CCDC178: variants seen among roughly 807,000 people sequenced by gnomAD.
CCDC178 encodes coiled-coil domain containing 178.
A neutral mutation model predicts 117.4 loss-of-function variants in CCDC178; 126 were observed. That is an observed-to-expected ratio of 1.07 (90% CI 0.93 to 1.24). The LOEUF is 1.24. Ranked by LOEUF, CCDC178 falls within the 50% of genes most tolerant of loss-of-function variation. CCDC178 has a pLI of 0.00. For synonymous variants in CCDC178, 283 were observed against 313.4 expected, an observed-to-expected ratio of 0.90 and a Z score of 1.02; for missense variants, 1,030 against 986.9, an observed-to-expected ratio of 1.04 and a Z score of -0.59.
chr18:33,190,004 C>T (rs570734164), intron 20 of CCDC178, among the ~76,000 whole-genome samples: 7 of 151,754 alleles, frequency 4.6e-5, no homozygotes, highest in Non-Finnish European at 1.0e-4. Flanking sequence ...AGATCATATG[C>T]TGACCATTGA....
intron 21 of CCDC178, among the ~76,000 whole-genome samples, chr18:33,064,060 A>G (rs1328537664): frequency 6.6e-6 from 1 of 152,232 alleles, no homozygotes; most frequent in Admixed American, 6.5e-5. Flanking sequence ...CAATCCATAA[A>G]TTAAGAAATG....
chr18:33,297,896 G>A (rs765830624), intron 11 of CCDC178, among the ~76,000 whole-genome samples: 7 of 151,926 alleles, frequency 4.6e-5, no homozygotes, highest in African/African-American at 7.3e-5. Context: ...AAAAAAATTC[G>A]CCAGACGTGG....
intron 16 of CCDC178, among the ~76,000 whole-genome samples, chr18:33,225,884 G>A (rs544601617): frequency 1.0e-4 from 15 of 142,864 alleles, no homozygotes; most frequent in African/African-American, 3.4e-4. Flanking sequence ...TGTTAGGGCC[G>A]GGCGTGGTGG....
intron 21 of CCDC178, among the ~76,000 whole-genome samples, chr18:33,067,448 A>G (rs1279266305): frequency 4.6e-5 from 7 of 152,240 alleles, no homozygotes; most frequent in Non-Finnish European, 1.0e-4. Flanking sequence ...TGAAGGAAAT[A>G]AAAAAGCAAA....
chr18:33,311,186 AAAC>A (rs150985647), intron 11 of CCDC178, among the ~76,000 whole-genome samples: 11,852 of 152,246 alleles, frequency 0.078, 522 homozygotes, highest in Non-Finnish European at 0.092. Flanking sequence ...AACAAAAAAC[AAAC>A]AACAACAAAA....
At chr18:33,406,248 T>C (rs945303468) in intron 3 of CCDC178, among the ~76,000 whole-genome samples, 5 of 152,074 alleles carry the variant, frequency 3.3e-5, no homozygotes, top group African/African-American at 1.2e-4. Context: ...AATAGTTAAG[T>C]GAACTGTAAA....
chr18:33,167,973 G>A (rs2058553761), intron 20 of CCDC178, among the ~76,000 whole-genome samples: 2 of 151,890 alleles, frequency 1.3e-5, no homozygotes, highest in South Asian at 4.1e-4. Context: ...TTCCTTATAG[G>A]TTTTGGATAT....
chr18:33,111,573 A>G lies in CCDC178; in HGVS notation c.2239-18663T>C, dbSNP rs995946353. 5.3e-5 allele frequency among the ~76,000 whole-genome samples: 8 copies of G among 151,806 alleles called. No homozygotes were observed. The South Asian group carries it at 8.3e-4, about 16-fold the overall frequency. On this transcript the variant is annotated intron_variant, in intron 20 of 22. Transcript: ENST00000383096. ...GGTAAGTCAAACATTCCCCTACCCAACATTGCAAGTTATTAATTACCTTTT... is the reference window on the plus strand; with the variant it reads ...GGTAAGTCAAACATTCCCCTACCCAGCATTGCAAGTTATTAATTACCTTTT...
At chr18:33,078,118 G>A (rs1417634630) in intron 21 of CCDC178, among the ~76,000 whole-genome samples, 1 of 152,138 alleles carries the variant, frequency 6.6e-6, no homozygotes, top group Non-Finnish European at 1.5e-5. Flanking sequence ...CGGGATGCAA[G>A]GTTGGTTCAA....
chr18:33,021,463 C>T (rs972382853), intron 21 of CCDC178, among the ~76,000 whole-genome samples: 31 of 152,080 alleles, frequency 2.0e-4, no homozygotes, highest in Non-Finnish European at 2.4e-4. Flanking sequence ...TTTGGGAGGC[C>T]GAGGCGGTTG....
chr18:33,196,994 C>T (rs1217351937), intron 20 of CCDC178, among the ~76,000 whole-genome samples: 1 of 152,022 alleles, frequency 6.6e-6, no homozygotes, highest in Admixed American at 6.6e-5. Context: ...CTTTATTGGG[C>T]CTTAATTCCC....
intron 21 of CCDC178, among the ~76,000 whole-genome samples, chr18:33,052,016 T>C (rs560726341): frequency 2.0e-4 from 31 of 152,322 alleles, no homozygotes; most frequent in African/African-American, 7.5e-4. Context: ...TAATATGTTT[T>C]ATGCTTTTAG....
intron 12 of CCDC178, among the ~76,000 whole-genome samples, chr18:33,287,792 G>A (rs1309077851): frequency 6.6e-6 from 1 of 151,526 alleles, no homozygotes; most frequent in Non-Finnish European, 1.5e-5. Context: ...ATAAATGAAT[G>A]AATAAATAAA....
chr18:33,029,889 T>A (rs1186832528), intron 21 of CCDC178, among the ~76,000 whole-genome samples: 3 of 152,034 alleles, frequency 2.0e-5, no homozygotes, highest in African/African-American at 7.2e-5. Flanking sequence ...ATTTGGGGCT[T>A]GTTTTAAGGT....
At chr18:33,175,267 A>C (rs2058651590) in intron 20 of CCDC178, among the ~76,000 whole-genome samples, 1 of 152,092 alleles carries the variant, frequency 6.6e-6, no homozygotes, top group Non-Finnish European at 1.5e-5. Flanking sequence ...TTTTGTCCCA[A>C]CCAATACCTT....
At chr18:33,408,639 A>G (rs910494487) in intron 3 of CCDC178, among the ~76,000 whole-genome samples, 1 of 152,172 alleles carries the variant, frequency 6.6e-6, no homozygotes, top group African/African-American at 2.4e-5. Flanking sequence ...TTTAAACTTT[A>G]CATGTATTTT....
chr18:33,103,048 T>C (rs2057653928), intron 20 of CCDC178, among the ~76,000 whole-genome samples: 2 of 151,838 alleles, frequency 1.3e-5, no homozygotes, highest in South Asian at 4.2e-4. Context: ...ATTAATATAT[T>C]AGTATCGTGC....
Position 32,938,068 on chromosome 18 carries a change from T to A in CCDC178, c.2547A>T (p.Gln849His). 1 of 1,613,658 alleles carries A rather than the reference T, an allele frequency of 6.2e-7. No individual in the cohort carries two copies. The highest frequency in any genetic ancestry group is 8.5e-7 in the Non-Finnish European group (1 of 1,179,604). ...AAGTCTGGAAGAAACCTAAGATGTG[T>A]TGCATTAAATTTGAAGATTCCTCCT... ...AVQEESSNLM[Q>H]HILGFFQTLT... The change falls in exon 23 of 23, where the codon CAA becomes CAT. Residue 849 changes from glutamine (Q) to histidine (H), a missense_variant. Gln to His is a conservative substitution (Grantham distance 24, BLOSUM62 0). Transcript: ENST00000383096.
chr18:33,260,285 T>A (rs2059727596), intron 14 of CCDC178, among the ~76,000 whole-genome samples: 1 of 152,118 alleles, frequency 6.6e-6, no homozygotes, highest in Non-Finnish European at 1.5e-5. Flanking sequence ...TGCTGCAGAG[T>A]ATTCCTTTGT....
Sources: allele counts gnomAD v4.1 joint callset (sites outside exome capture counted in the v4.1 genomes callset), GRCh38; gene constraint gnomAD v4.1.1; transcripts MANE v1.5; gene names NCBI Gene and HGNC (gene_info 2026-07-23, HGNC 2026-07-21).